Variants in UGGT2 observed in about 807,000 individuals in gnomAD.
The protein encoded by UGGT2 is UDP-glucose:glycoprotein glucosyltransferase 2.
UGGT2 carries 180 observed loss-of-function variants against 192.1 expected under a neutral mutation model. That is an observed-to-expected ratio of 0.94 (90% CI 0.83 to 1.06). The LOEUF (loss-of-function observed/expected upper bound fraction) is 1.06. Ranked by LOEUF, UGGT2 falls within the 50% of genes least tolerant of loss-of-function variation. The pLI is 0.00. For synonymous variants in UGGT2, 580 were observed against 591.0 expected (o/e 0.98, Z 0.27); for missense variants, 1,849 against 1,795.7 (o/e 1.03, Z -0.54).
intron 10 of UGGT2, among the ~76,000 whole-genome samples, chr13:95,973,372 C>G (rs2050837546): frequency 6.6e-6 from 1 of 151,964 alleles, no homozygotes; most frequent in Admixed American, 6.6e-5. Flanking sequence ...TATTACAGTT[C>G]TAATGTTACA....
intron 36 of UGGT2, among the ~76,000 whole-genome samples, chr13:95,848,105 T>G (rs1888658898): frequency 6.6e-6 from 1 of 152,214 alleles, no homozygotes; most frequent in African/African-American, 2.4e-5. Context: ...TATATGTTCT[T>G]TGGTGAGGTG....
chr13:95,962,842 G>A (rs1650413050), intron 12 of UGGT2, among the ~76,000 whole-genome samples: 1 of 152,032 alleles, frequency 6.6e-6, no homozygotes, highest in Non-Finnish European at 1.5e-5. Context: ...AGGAAAAAGG[G>A]TTCAAAGGAC....
chr13:95,855,222 G>A (rs1418612052), intron 34 of UGGT2, among the ~76,000 whole-genome samples: 2 of 151,500 alleles, frequency 1.3e-5, no homozygotes, highest in African/African-American at 4.8e-5. Context: ...GGAGTCTGAG[G>A]CTACAGTAAG....
chr13:95,867,512 C>T (rs1479064479), intron 29 of UGGT2, 89 bp from the exon 30 acceptor site: 13 of 1,074,718 alleles, frequency 1.2e-5, no homozygotes, highest in South Asian at 1.2e-4. Context: ...TTGCAATAAA[C>T]GTAAGTCCAA....
chr13:95,931,189 C>T (rs2049250621), intron 17 of UGGT2, among the ~76,000 whole-genome samples: 1 of 152,194 alleles, frequency 6.6e-6, no homozygotes, highest in African/African-American at 2.4e-5. Flanking sequence ...TCCAAGTCCC[C>T]ACTAGATGAG....
At chr13:95,879,425 CATTT>C (rs1023690796) in intron 27 of UGGT2, among the ~76,000 whole-genome samples, 8 of 152,034 alleles carry the variant, frequency 5.3e-5, no homozygotes, top group African/African-American at 1.4e-4. Flanking sequence ...TTTCAAAGCT[CATTT>C]ATTTATTTAT....
intron 36 of UGGT2, among the ~76,000 whole-genome samples, chr13:95,852,140 T>C (rs1889113062): frequency 6.6e-6 from 1 of 152,196 alleles, no homozygotes; most frequent in Admixed American, 6.5e-5. Flanking sequence ...TATTTTGACA[T>C]ATAATTTCCC....
chr13:96,040,514 C>T (rs2053133666), intron 1 of UGGT2, among the ~76,000 whole-genome samples: 1 of 152,132 alleles, frequency 6.6e-6, no homozygotes, highest in Non-Finnish European at 1.5e-5. Context: ...AATAAGGTAA[C>T]ATTCACAGGT....
intron 10 of UGGT2, among the ~76,000 whole-genome samples, chr13:95,977,189 A>T (rs2140829517): frequency 6.6e-6 from 1 of 152,330 alleles, no homozygotes; most frequent in Admixed American, 6.5e-5. Flanking sequence ...ACAAAAGCCA[A>T]AATTGACTAA....
chr13:95,922,311 G>A (rs1306889504), intron 20 of UGGT2, among the ~76,000 whole-genome samples: 4 of 152,202 alleles, frequency 2.6e-5, no homozygotes, highest in Admixed American at 2.6e-4. Context: ...GGGATGGGAA[G>A]GGAGAAAGGG....
chr13:96,022,208 T>C (rs150707997), intron 4 of UGGT2, among the ~76,000 whole-genome samples: 1 of 152,060 alleles, frequency 6.6e-6, no homozygotes, highest in South Asian at 2.1e-4. Flanking sequence ...AAAAATCTGG[T>C]TGGATTCTTA....
intron 38 of UGGT2, among the ~76,000 whole-genome samples, chr13:95,803,356 G>A (rs1884156356): frequency 6.6e-6 from 1 of 151,820 alleles, no homozygotes; most frequent in Non-Finnish European, 1.5e-5. Context: ...CGCCTCCCGG[G>A]TTCAAGCAAT....
chr13:95,931,524 C>T (rs2049267815), intron 17 of UGGT2, among the ~76,000 whole-genome samples: 1 of 151,356 alleles, frequency 6.6e-6, no homozygotes, highest in South Asian at 2.1e-4. Flanking sequence ...CTGCGCAAGA[C>T]CCCACGGTGC....
chr13:95,995,182 A>T (rs1010074425), intron 7 of UGGT2, among the ~76,000 whole-genome samples: 1 of 152,106 alleles, frequency 6.6e-6, no homozygotes, highest in African/African-American at 2.4e-5. Context: ...TTAGTAAAAA[A>T]AGATAAACAC....
intron 12 of UGGT2, among the ~76,000 whole-genome samples, chr13:95,969,044 A>G (rs111350842): frequency 3.3e-5 from 5 of 152,316 alleles, no homozygotes; most frequent in African/African-American, 1.2e-4. Context: ...CAGTTTGTCT[A>G]AAGAGTTTAT....
intron 10 of UGGT2, among the ~76,000 whole-genome samples, chr13:95,978,636 T>C (rs1041733235): frequency 6.6e-6 from 1 of 152,230 alleles, no homozygotes; most frequent in African/African-American, 2.4e-5. Flanking sequence ...CAATGTTTTC[T>C]TCTAGCAGTT....
intron 1 of UGGT2, 28 bp downstream of exon 1, chr13:96,053,127 C>T (rs996456393): frequency 6.8e-7 from 1 of 1,462,856 alleles, no homozygotes; most frequent in Non-Finnish European, 9.0e-7. Context: ...CCCACACCCG[C>T]CCGGACGAGG....
intron 38 of UGGT2, among the ~76,000 whole-genome samples, chr13:95,828,884 C>T (rs564487080): frequency 7.9e-5 from 12 of 152,176 alleles, no homozygotes; most frequent in Admixed American, 2.0e-4. Flanking sequence ...AATTTTAGAC[C>T]AATATCCCTG....
At chr13:95,861,073 A>T (rs1034993211) in intron 31 of UGGT2, among the ~76,000 whole-genome samples, 190 bp from the exon 32 acceptor site, 22 of 151,944 alleles carry the variant, frequency 1.4e-4, no homozygotes, top group African/African-American at 3.1e-4. Context: ...GTTTTTTTTT[A>T]AATTTGTAAT....
Sources: allele counts gnomAD v4.1 joint callset (sites outside exome capture counted in the v4.1 genomes callset), GRCh38; gene constraint gnomAD v4.1.1; transcripts MANE v1.5; gene names NCBI Gene and HGNC (gene_info 2026-07-23, HGNC 2026-07-21).